The following TULP3 variants were observed in gnomAD, a reference collection of about 807,000 sequenced individuals.
TULP3 encodes the protein tubby-related protein 3.
A neutral mutation model predicts 50.7 loss-of-function variants in TULP3; 38 were observed. The ratio of observed to expected loss-of-function variants is 0.75; its 90% CI spans 0.58 to 0.98. The LOEUF is 0.98. Ranked by LOEUF, TULP3 falls within the 50% of genes least tolerant of loss-of-function variation. The probability of loss-of-function intolerance (pLI) is 0.00; values close to 1 mark genes in which losing one functional copy is unlikely to be tolerated. For missense variants in TULP3, 550 were observed against 568.0 expected, an observed-to-expected ratio of 0.97 and a Z score of 0.32; for synonymous variants, 183 against 196.6, an observed-to-expected ratio of 0.93 and a Z score of 0.58.
chr12:2,940,166 T>G lies in TULP3; in HGVS notation c.*722T>G, dbSNP rs781221378. 1.6e-5 allele frequency: 21 copies of G among 1,302,970 alleles called. No homozygotes were observed. Among genetic ancestry groups the G allele is most frequent in the Non-Finnish European group, 2.1e-5 (21 of 998,524 alleles). 80.7% of individuals were successfully genotyped at this position (1,302,970 alleles called of 1,614,324 possible). A position where few individuals can be genotyped will look rare whatever the true frequency, so the allele number is the denominator to read the frequency against. On this transcript the variant is annotated 3_prime_UTR_variant, in exon 11 of 11. Transcript: ENST00000448120. ...GTGACTCAGTCAGGACTGACAGTAA[T>G]GTGATAATTGCCTTCATTTTCAACC... is the stretch of plus-strand genomic sequence containing the variant.
chr12:2,937,799 C>T (rs998941998), intron 9 of TULP3, 70 bp downstream of exon 9: 2 of 720,640 alleles, frequency 2.8e-6, no homozygotes, highest in Admixed American at 4.4e-5. Flanking sequence ...GAGATTAATA[C>T]AAAAAAAAAA....
At chr12:2,914,878 C>G (rs1411693632) in intron 2 of TULP3, among the ~76,000 whole-genome samples, 1 of 152,008 alleles carries the variant, frequency 6.6e-6, no homozygotes, top group Non-Finnish European at 1.5e-5. Context: ...AGTGATCCAG[C>G]CACCTTGGTC....
At chr12:2,932,084 G>A (rs1246505662) in intron 6 of TULP3, among the ~76,000 whole-genome samples, 1 of 152,186 alleles carries the variant, frequency 6.6e-6, no homozygotes, top group Non-Finnish European at 1.5e-5. Context: ...GAGAGTTTAG[G>A]AAGGATGCCT....
intron 1 of TULP3, among the ~76,000 whole-genome samples, chr12:2,892,127 C>T (rs1387939381): frequency 6.6e-6 from 1 of 151,974 alleles, no homozygotes; most frequent in Non-Finnish European, 1.5e-5. Context: ...TTGATATTTC[C>T]ACTAGTAGAT....
At chr12:2,920,725 A>C in intron 2 of TULP3, 38 bp from the exon 3 acceptor site, 7 of 1,611,238 alleles carry the variant, frequency 4.3e-6, no homozygotes, top group Non-Finnish European at 4.2e-6. Flanking sequence ...GTCATGTCAA[A>C]ACTCTCCTTG....
At chr12:2,905,764 T>C (rs2098181850) in intron 1 of TULP3, among the ~76,000 whole-genome samples, 1 of 151,952 alleles carries the variant, frequency 6.6e-6, no homozygotes, top group Non-Finnish European at 1.5e-5. Flanking sequence ...TTTTTCACTA[T>C]TTGAGGCCTT....
chr12:2,910,222 G>A (rs895247163), intron 2 of TULP3, among the ~76,000 whole-genome samples: 2 of 152,104 alleles, frequency 1.3e-5, no homozygotes, highest in Non-Finnish European at 2.9e-5. Context: ...GAACCCAGGA[G>A]GCGGAGCTTG....
At chr12:2,899,037 T>TA (rs1388610307) in intron 1 of TULP3, among the ~76,000 whole-genome samples, 2 of 152,136 alleles carry the variant, frequency 1.3e-5, no homozygotes, top group African/African-American at 4.8e-5. Flanking sequence ...CAGATATTTT[T>TA]AACCTTTTAA....
At chr12:2,910,526 G>A (rs1232523416) in intron 2 of TULP3, among the ~76,000 whole-genome samples, 1 of 152,154 alleles carries the variant, frequency 6.6e-6, no homozygotes, top group Admixed American at 6.6e-5. Flanking sequence ...TATTCAGGTA[G>A]CTTAGAACGT....
rs189483603 is a variant in TULP3 at position 2,930,568 on chromosome 12, C to T, written c.492+223C>T. 2.5e-3 allele frequency among the ~76,000 whole-genome samples: 377 copies of T among 152,188 alleles called. 8 individuals are homozygous for T. The East Asian group carries it at 0.045, about 18-fold the overall frequency. ...TCTCCCGAGTAGCTGGGACTACAGG[C>T]GCCCGCCATGACACCCGGCTAATTT... On this transcript the variant is annotated intron_variant, in intron 5 of 10. Transcript: ENST00000448120.
At chr12:2,898,340 A>T (rs1017347166) in intron 1 of TULP3, among the ~76,000 whole-genome samples, 1 of 151,728 alleles carries the variant, frequency 6.6e-6, no homozygotes, top group Admixed American at 6.6e-5. Flanking sequence ...CTTTTTAATT[A>T]TTTTTTTTCA....
chr12:2,918,537 A>G (rs2098189970), intron 2 of TULP3, among the ~76,000 whole-genome samples: 1 of 151,910 alleles, frequency 6.6e-6, no homozygotes, highest in African/African-American at 2.4e-5. Flanking sequence ...CCACCTTTTC[A>G]GGCAAGTTAC....
intron 2 of TULP3, among the ~76,000 whole-genome samples, chr12:2,910,013 C>T (rs1466806230): frequency 1.3e-5 from 2 of 152,172 alleles, no homozygotes; most frequent in South Asian, 2.1e-4. Context: ...CATCGCAGGG[C>T]CGGGCACAGT....
rs893967357 is a variant in TULP3, at chr12:2,940,498, A to G, written c.*1054A>G. 1.3e-6 allele frequency: 2 copies of G among 1,524,030 alleles called. No individual in the cohort carries two copies. Among genetic ancestry groups the G allele is most frequent in the Non-Finnish European group, 1.8e-6 (2 of 1,132,230 alleles). The allele number at this position is 1,524,030 out of a possible 1,614,324, so 94.4% of individuals were successfully genotyped here. ...TGATTATTACACCCCTCCACGTATT[A>G]TGTGACTCTTACACCAGTTCACCCT... On this transcript the variant is annotated 3_prime_UTR_variant, in exon 11 of 11. Coordinates refer to ENST00000448120, the MANE Select transcript of TULP3 (RefSeq NM_003324.5).
chr12:2,908,887 TAGTA>T (rs557186421), intron 1 of TULP3, among the ~76,000 whole-genome samples: 31 of 152,266 alleles, frequency 2.0e-4, no homozygotes, highest in African/African-American at 7.0e-4. Flanking sequence ...ATGACTGGCA[TAGTA>T]AGTGTTATTA....
intron 4 of TULP3, 94 bp downstream of exon 4, chr12:2,922,496 G>A: frequency 6.7e-7 from 1 of 1,488,412 alleles, no homozygotes; most frequent in Non-Finnish European, 9.0e-7. Flanking sequence ...CTACATGACT[G>A]AAAATGACTC....
chr12:2,920,460 G>A (rs555608079), intron 2 of TULP3, among the ~76,000 whole-genome samples: 1 of 152,096 alleles, frequency 6.6e-6, no homozygotes, highest in South Asian at 2.1e-4. Flanking sequence ...AGTGAGCTGT[G>A]ATGGTGCCAC....
intron 2 of TULP3, among the ~76,000 whole-genome samples, chr12:2,918,540 CAA>C (rs1471374403): frequency 6.6e-6 from 1 of 152,004 alleles, no homozygotes; most frequent in Non-Finnish European, 1.5e-5. Context: ...CCTTTTCAGG[CAA>C]GTTACTTTTT....
intron 1 of TULP3, among the ~76,000 whole-genome samples, chr12:2,891,211 AGAG>A (rs1447210482): frequency 6.6e-6 from 1 of 152,118 alleles, no homozygotes; most frequent in Non-Finnish European, 1.5e-5. Context: ...CGCCGTGGGC[AGAG>A]ACCTTTGGTT....
Sources: gnomAD v4.1 joint callset for allele counts (sites outside exome capture counted in the v4.1 genomes callset) on GRCh38, gnomAD v4.1.1 for gene constraint, MANE v1.5 for transcripts, NCBI Gene and HGNC (gene_info 2026-07-23, HGNC 2026-07-21) for gene names.